The following E2F3 variants were observed in gnomAD, a reference collection of about 807,000 sequenced individuals.
E2F3 encodes the protein transcription factor E2F3.
E2F3 carries 11 observed loss-of-function variants against 44.4 expected under a neutral mutation model. That is an observed-to-expected ratio of 0.25 (90% CI 0.16 to 0.41). The LOEUF is 0.41. Among genes scored for constraint, E2F3 ranks in the 10% least tolerant of loss-of-function variants. E2F3 has a pLI of 1.00. For missense variants in E2F3, 487 were observed against 583.6 expected (o/e 0.83, Z 1.70); for synonymous variants, 249 against 253.0 (o/e 0.98, Z 0.15).
intron 1 of E2F3, among the ~76,000 whole-genome samples, chr6:20,473,828 T>C (rs1459883800): frequency 6.6e-6 from 1 of 152,172 alleles, no homozygotes; most frequent in Admixed American, 6.5e-5. Context: ...CCTTCCTGCA[T>C]TGGTCATGGT....
intron 4 of E2F3, 66 bp from the exon 5 acceptor site, chr6:20,486,623 A>G (rs888263907): frequency 3.4e-6 from 3 of 893,214 alleles, no homozygotes; most frequent in African/African-American, 1.7e-5. Flanking sequence ...CCATGCATCT[A>G]TTTTGTCATT....
chr6:20,488,201 C>G lies in E2F3; in HGVS notation c.1088C>G (p.Thr363Arg), dbSNP rs1762452010. Residue 363 changes from threonine (T) to arginine (R), a missense_variant, in exon 6 of 7, where the codon ACA becomes AGA. Physicochemically the swap from Thr to Arg is moderately conservative, Grantham distance 71. Transcript: ENST00000346618. ...EETETHSPMK[T>R]NNQDHNGNIP... is the part of the protein sequence containing the mutation. ...ACTGAAACACACAGTCCAATGAAAACAAACAACCAAGACCACAATGGGAAT... is the reference window on the plus strand; with the variant it reads ...ACTGAAACACACAGTCCAATGAAAAGAAACAACCAAGACCACAATGGGAAT... 6.2e-7 allele frequency: 1 copy of G among 1,610,934 alleles called. No individual in the cohort carries two copies. The highest frequency in any genetic ancestry group is 1.1e-5 in the South Asian group (1 of 90,098).
Position 20,485,771 on chromosome 6 carries a change from C to T in E2F3, c.885-918C>T, listed in dbSNP as rs1024928642. On this transcript the variant is annotated intron_variant, in intron 4 of 6. Coordinates refer to ENST00000346618, the MANE Select transcript of E2F3 (RefSeq NM_001949.5). ...AATTTTTCTAACAGAAATAATGACA[C>T]TCTTTTCTGTAGGCAGTACATAATC... Among the ~76,000 whole-genome samples, 19 of 152,182 alleles carry T rather than the reference C, an allele frequency of 1.2e-4. 1 individual carries two copies. Among genetic ancestry groups the T allele is most frequent in the Non-Finnish European group, 2.6e-4 (18 of 68,050 alleles).
At chr6:20,441,756 CA>C (rs1760782725) in intron 1 of E2F3, among the ~76,000 whole-genome samples, 1 of 135,318 alleles carries the variant, frequency 7.4e-6, no homozygotes, top group Non-Finnish European at 1.6e-5. Flanking sequence ...TTAGTACAGA[CA>C]GCGTTTCACT....
At chr6:20,456,278 A>G (rs113938274) in intron 1 of E2F3, among the ~76,000 whole-genome samples, 2,087 of 152,028 alleles carry the variant, frequency 0.014, 22 homozygotes, top group South Asian at 0.033. Context: ...AGGGAACTCA[A>G]CCAAGGTTTC....
intron 1 of E2F3, among the ~76,000 whole-genome samples, chr6:20,427,763 A>G (rs192615792): frequency 6.6e-6 from 1 of 152,286 alleles, no homozygotes; most frequent in East Asian, 1.9e-4. Flanking sequence ...CATGCCATGC[A>G]TCTCCTCTTT....
rs190806362 is a variant in E2F3 at position 20,422,918 on chromosome 6, G to A, written c.393+20293G>A. Among the ~76,000 whole-genome samples, 391 of 152,266 alleles carry A rather than the reference G, an allele frequency of 2.6e-3. 3 individuals are homozygous for A. The highest frequency in any genetic ancestry group is 8.2e-3 in the African/African-American group (339 of 41,544). Reference sequence around the variant, plus strand: ...AATATTACGAGAATTACCAAAATTTGACAGAGATATGTAGTAAGCACTGTT... The same window carrying A: ...AATATTACGAGAATTACCAAAATTTAACAGAGATATGTAGTAAGCACTGTT... On this transcript the variant is annotated intron_variant, in intron 1 of 6. Coordinates refer to ENST00000346618, the MANE Select transcript of E2F3 (RefSeq NM_001949.5).
intron 1 of E2F3, among the ~76,000 whole-genome samples, chr6:20,467,145 A>T (rs1169038292): frequency 6.6e-6 from 1 of 152,164 alleles, no homozygotes; most frequent in Non-Finnish European, 1.5e-5. Flanking sequence ...GAGCAAGTAC[A>T]TCTCATAAGG....
At position 20,488,232 on chromosome 6, in the gene E2F3, T is replaced by C; in HGVS notation, c.1119T>C (p.Pro373=). The C allele has an allele frequency of 1.3e-6, 2 of 1,589,444 alleles. No individual in the cohort carries two copies. The highest frequency in any genetic ancestry group is 4.5e-5 in the East Asian group (2 of 44,744). ...ACCAAGACCACAATGGGAATATCCC[T>C]AAACCCGCTTCCAAAGGTAAAAACT... ...TNNQDHNGNI[P]KPASKDLAST... is the part of the protein sequence containing the mutation. Residue 373 remains proline, a synonymous_variant, in exon 6 of 7, where the codon CCT becomes CCC. Coordinates refer to ENST00000346618, the MANE Select transcript of E2F3 (RefSeq NM_001949.5).
chr6:20,433,930 C>T (rs758905543), intron 1 of E2F3, among the ~76,000 whole-genome samples: 2 of 152,194 alleles, frequency 1.3e-5, no homozygotes, highest in Non-Finnish European at 1.5e-5. Flanking sequence ...GTGGTCCCCA[C>T]CCCCTGCTCT....
chr6:20,455,681 G>A (rs529947134), intron 1 of E2F3, among the ~76,000 whole-genome samples: 1 of 146,026 alleles, frequency 6.8e-6, no homozygotes, highest in Non-Finnish European at 1.5e-5. Context: ...ACAGGGCACT[G>A]TTCTTAATAA....
At chr6:20,410,884 C>T (rs377059325) in intron 1 of E2F3, among the ~76,000 whole-genome samples, 7 of 152,306 alleles carry the variant, frequency 4.6e-5, no homozygotes, top group South Asian at 4.1e-4. Context: ...GGCCTCACAA[C>T]GTGCTGGGAT....
At chr6:20,404,202 A>G (rs1759415123) in intron 1 of E2F3, among the ~76,000 whole-genome samples, 1 of 150,342 alleles carries the variant, frequency 6.7e-6, no homozygotes, top group African/African-American at 2.4e-5. Flanking sequence ...GTCAGAGGGT[A>G]GGGTGTCTGT....
chr6:20,412,914 C>T (rs1759721819), intron 1 of E2F3, among the ~76,000 whole-genome samples: 1 of 152,194 alleles, frequency 6.6e-6, no homozygotes, highest in Admixed American at 6.5e-5. Context: ...TAATGTTTAT[C>T]GAGTGCCCGC....
intron 1 of E2F3, among the ~76,000 whole-genome samples, chr6:20,456,206 T>C (rs903093852): frequency 6.6e-6 from 1 of 151,700 alleles, no homozygotes; most frequent in Non-Finnish European, 1.5e-5. Context: ...CCCTAGAAAG[T>C]AGTATGCCAG....
intron 1 of E2F3, among the ~76,000 whole-genome samples, chr6:20,469,270 A>G (rs189679458): frequency 6.6e-6 from 1 of 152,090 alleles, no homozygotes; most frequent in East Asian, 1.9e-4. Flanking sequence ...TATTGGGGGG[A>G]AATGGAAGAA....
intron 1 of E2F3, among the ~76,000 whole-genome samples, chr6:20,441,871 T>C (rs930062760): frequency 1.3e-5 from 2 of 152,094 alleles, no homozygotes; most frequent in African/African-American, 4.8e-5. Flanking sequence ...TCCGGCCATA[T>C]GTTTAACTTT....
chr6:20,406,896 A>G (rs1026084219), intron 1 of E2F3, among the ~76,000 whole-genome samples: 29 of 152,208 alleles, frequency 1.9e-4, no homozygotes, highest in Admixed American at 1.6e-3. Context: ...GTGCTACTCA[A>G]TGGAGCAGAC....
chr6:20,420,422 A>G (rs1759985194), intron 1 of E2F3, among the ~76,000 whole-genome samples: 1 of 149,968 alleles, frequency 6.7e-6, no homozygotes, highest in Middle Eastern at 3.2e-3. Flanking sequence ...TGAACTATAG[A>G]TAATGGGCTT....
Sources: gnomAD v4.1 joint callset for allele counts (sites outside exome capture counted in the v4.1 genomes callset) on GRCh38, gnomAD v4.1.1 for gene constraint, MANE v1.5 for transcripts, NCBI Gene and HGNC (gene_info 2026-07-23, HGNC 2026-07-21) for gene names.